Variants in ANAPC13 observed in about 807,000 individuals in gnomAD.
The protein encoded by ANAPC13 is anaphase promoting complex subunit 13, also known as anaphase-promoting complex subunit 13.
In ANAPC13, 9 loss-of-function variants were observed where a neutral mutation model predicts 9.6. The ratio of observed to expected loss-of-function variants is 0.94; its 90% CI spans 0.57 to 1.64. ANAPC13 has a LOEUF of 1.64. Ranked by LOEUF, ANAPC13 falls within the 40% of genes most tolerant of loss-of-function variation. The probability of loss-of-function intolerance (pLI) is 0.00; values close to 1 mark genes in which losing one functional copy is unlikely to be tolerated. For synonymous variants in ANAPC13, 30 were observed against 29.7 expected, an observed-to-expected ratio of 1.01 and a Z score of -0.03; for missense variants, 75 against 85.3, an observed-to-expected ratio of 0.88 and a Z score of 0.48.
At position 134,482,803 on chromosome 3, in the gene ANAPC13, T is replaced by C; in HGVS notation, c.99+3A>G. On this transcript the variant is annotated splice_donor_region_variant and intron_variant, in intron 2 of 2. Transcript: ENST00000354910. The stretch of plus-strand genomic sequence containing the variant: ...CCCATCCTCAGCTCAAATCATAACC[T>C]ACCAGTGGTATTGCGACATCCTCAT... The C allele has an allele frequency of 6.2e-7, 1 of 1,613,446 alleles. No homozygotes were observed. Among genetic ancestry groups the C allele is most frequent in the South Asian group, 1.1e-5 (1 of 91,062 alleles).
chr3:134,478,822 A>T (rs1240297324), intron 2 of ANAPC13, 107 bp from the exon 3 acceptor site: 2 of 1,250,296 alleles, frequency 1.6e-6, no homozygotes, highest in Non-Finnish European at 2.3e-6. Flanking sequence ...CAGGCAACAT[A>T]ATTGATATGT....
At chr3:134,484,438 G>A (rs1218994957) in intron 1 of ANAPC13, among the ~76,000 whole-genome samples, 1 of 152,052 alleles carries the variant, frequency 6.6e-6, no homozygotes, top group Non-Finnish European at 1.5e-5. Context: ...TCCCCCATAG[G>A]ATAACTGCAA....
At chr3:134,482,980 T>C (rs1934773191) in intron 1 of ANAPC13, 49 bp from the exon 2 acceptor site, 2 of 1,221,082 alleles carry the variant, frequency 1.6e-6, no homozygotes, top group African/African-American at 1.5e-5. Context: ...GAAGAGATGG[T>C]ATAATCCACT....
rs1281914126 is a variant in ANAPC13 at position 134,477,845 on chromosome 3, A to C, written c.*745T>G. Reference sequence around the variant, plus strand: ...TGTTTAACAGGCAAATAATTCCAGGAATAAATATACATGAATGTGTTTTTC... The same window carrying C: ...TGTTTAACAGGCAAATAATTCCAGGCATAAATATACATGAATGTGTTTTTC... On this transcript the variant is annotated 3_prime_UTR_variant, in exon 3 of 3. Transcript: ENST00000354910. 1 of 152,246 alleles carries C rather than the reference A, an allele frequency of 6.6e-6. No individual in the cohort carries two copies. The highest frequency in any genetic ancestry group is 1.5e-5 in the Non-Finnish European group (1 of 68,040). The allele number at this position is 152,246 out of a possible 1,614,324, so 9.4% of individuals were successfully genotyped here.
At chr3:134,482,396 T>C (rs554546355) in intron 2 of ANAPC13, among the ~76,000 whole-genome samples, 1 of 152,338 alleles carries the variant, frequency 6.6e-6, no homozygotes, top group South Asian at 2.1e-4. Flanking sequence ...GATAGGTGTA[T>C]GCTCCAAGAA....
At chr3:134,486,015 C>T (rs1021600839), upstream of ANAPC13, 2 of 978,538 alleles carry the variant, frequency 2.0e-6, no homozygotes, top group Non-Finnish European at 2.4e-6. Context: ...CCCCGCATCA[C>T]GTGTCTGCAC....
intron 1 of ANAPC13, among the ~76,000 whole-genome samples, chr3:134,483,673 T>A (rs1401879479): frequency 6.6e-6 from 1 of 152,200 alleles, no homozygotes; most frequent in Non-Finnish European, 1.5e-5. Flanking sequence ...GTAGGATACT[T>A]CTGGATTTCC....
intron 2 of ANAPC13, among the ~76,000 whole-genome samples, chr3:134,481,931 T>C (rs1179632457): frequency 6.6e-6 from 1 of 152,270 alleles, no homozygotes; most frequent in East Asian, 1.9e-4. Flanking sequence ...ATGACATCTA[T>C]AATTCTTATT....
chr3:134,478,573 A>G lies in ANAPC13; in HGVS notation c.*17T>C. On this transcript the variant is annotated 3_prime_UTR_variant, in exon 3 of 3. Coordinates refer to ENST00000354910, the MANE Select transcript of ANAPC13 (RefSeq NM_015391.4). ...GTGTACTTTGAGAAAATCCATCCAC[A>G]AGAAAGGAGCCAAGCGTCAGTTTCC... 2 of 1,609,572 alleles carry G rather than the reference A, an allele frequency of 1.2e-6. No homozygotes were observed. The highest frequency in any genetic ancestry group is 1.7e-6 in the Non-Finnish European group (2 of 1,178,580).
Position 134,482,805 on chromosome 3 carries a change from C to G in ANAPC13, c.99+1G>C. On this transcript the variant is annotated splice_donor_variant, in intron 2 of 2. Coordinates refer to ENST00000354910, the MANE Select transcript of ANAPC13 (RefSeq NM_015391.4). LOFTEE classifies it high-confidence loss of function. ...CATCCTCAGCTCAAATCATAACCTA[C>G]CAGTGGTATTGCGACATCCTCATAA... The G allele has an allele frequency of 6.2e-7, 1 of 1,613,520 alleles. No homozygotes were observed. Among genetic ancestry groups the G allele is most frequent in the East Asian group, 2.2e-5 (1 of 44,886 alleles).
At chr3:134,483,459 CCTCATACTG>C (rs1263590251) in intron 1 of ANAPC13, among the ~76,000 whole-genome samples, 1 of 152,166 alleles carries the variant, frequency 6.6e-6, no homozygotes, top group African/African-American at 2.4e-5. Flanking sequence ...AGTGGTAGAA[CCTCATACTG>C]CTAAAGTTTC....
At position 134,484,408 on chromosome 3, in the gene ANAPC13, A is replaced by C. The variant is rs1055921718; in HGVS notation, c.-27-1477T>G. Among the ~76,000 whole-genome samples the C allele has an allele frequency of 1.8e-4, 27 of 152,012 alleles. 1 individual carries two copies. The South Asian group carries it at 1.9e-3, about 11-fold the overall frequency. On this transcript the variant is annotated intron_variant, in intron 1 of 2. Coordinates refer to ENST00000354910, the MANE Select transcript of ANAPC13 (RefSeq NM_015391.4). The stretch of plus-strand genomic sequence containing the variant: ...TCTCGGAAAAAAAAAAACAAAAAAA[A>C]CCAAAAAGGCTCACAGCTGTCCCCC...
In ANAPC13 at chr3:134,478,414, C is replaced by T; in HGVS notation, c.*176G>A. The T allele has an allele frequency of 2.5e-6, 2 of 795,714 alleles. No individual in the cohort carries two copies. Among genetic ancestry groups the T allele is most frequent in the East Asian group, 2.6e-5 (1 of 38,532 alleles). The allele number at this position is 795,714 out of a possible 1,614,324, so 49.3% of individuals were successfully genotyped here. On this transcript the variant is annotated 3_prime_UTR_variant, in exon 3 of 3. Transcript: ENST00000354910. ...TTAAAGAGCGAAATATTCACCATTA[C>T]TGAGAAATCTCAGTTTCTCATTCAA... is the stretch of plus-strand genomic sequence containing the variant.
In ANAPC13 at chr3:134,478,415, T is replaced by C; in HGVS notation, c.*175A>G. On this transcript the variant is annotated 3_prime_UTR_variant, in exon 3 of 3. Transcript: ENST00000354910. ...TAAAGAGCGAAATATTCACCATTAC[T>C]GAGAAATCTCAGTTTCTCATTCAAT... is the stretch of plus-strand genomic sequence containing the variant. 1 of 809,726 alleles carries C rather than the reference T, an allele frequency of 1.2e-6. No individual in the cohort carries two copies. Among genetic ancestry groups the C allele is most frequent in the Non-Finnish European group, 1.9e-6 (1 of 514,840 alleles). 50.2% of individuals were successfully genotyped at this position (809,726 alleles called of 1,614,324 possible).
At chr3:134,482,054 T>A (rs1237962967) in intron 2 of ANAPC13, among the ~76,000 whole-genome samples, 1 of 152,234 alleles carries the variant, frequency 6.6e-6, no homozygotes, top group African/African-American at 2.4e-5. Context: ...AAAATACAGA[T>A]GAACTATTTT....
In ANAPC13 at chr3:134,485,955, C is replaced by G; in HGVS notation, c.-31G>C. 1 of 982,122 alleles carries G rather than the reference C, an allele frequency of 1.0e-6. No individual in the cohort carries two copies. The highest frequency in any genetic ancestry group is 1.2e-6 in the Non-Finnish European group (1 of 828,394). The allele number at this position is 982,122 out of a possible 1,614,324, so 60.8% of individuals were successfully genotyped here. A position where few individuals can be genotyped will look rare whatever the true frequency, so the allele number is the denominator to read the frequency against. On this transcript the variant is annotated 5_prime_UTR_variant, in exon 1 of 3. Transcript: ENST00000354910. ...CGGGGGCGCTGGAAACCCTTACCGG[C>G]ACCCGGCCACCGCGGCAGACGCTTG... is the stretch of plus-strand genomic sequence containing the variant.
At position 134,477,960 on chromosome 3, in the gene ANAPC13, A is replaced by T. The variant is rs967484207; in HGVS notation, c.*630T>A. On this transcript the variant is annotated 3_prime_UTR_variant, in exon 3 of 3. Coordinates refer to ENST00000354910, the MANE Select transcript of ANAPC13 (RefSeq NM_015391.4). Reference sequence around the variant, plus strand: ...GAAAGGGCTTTGAGAAAAGGCTTTGAATAAAACTAGTCATCCACCTAGCCA... The same window carrying T: ...GAAAGGGCTTTGAGAAAAGGCTTTGTATAAAACTAGTCATCCACCTAGCCA... The T allele has an allele frequency of 9.8e-5, 15 of 152,402 alleles. No homozygotes were observed. The highest frequency in any genetic ancestry group is 3.1e-4 in the African/African-American group (13 of 41,590). 9.4% of individuals were successfully genotyped at this position (152,402 alleles called of 1,614,324 possible).
At chr3:134,485,991 G>GCCCCCCCCCCCCCCCCCCCCCC (rs5852785), upstream of ANAPC13, 1 of 846,592 alleles carries the variant, frequency 1.2e-6, no homozygotes, top group African/African-American at 1.9e-5. Context: ...CTCCTGCCAC[G>GCCCCCCCCCCCCCCCCCCCCCC]CCCCCCCCCC....
chr3:134,479,609 A>G (rs1382293566), intron 2 of ANAPC13, among the ~76,000 whole-genome samples: 1 of 152,140 alleles, frequency 6.6e-6, no homozygotes, highest in Non-Finnish European at 1.5e-5. Context: ...TCAGCCTCCC[A>G]AAGTGCTGGG....
Sources: gnomAD v4.1 joint callset for allele counts (sites outside exome capture counted in the v4.1 genomes callset) on GRCh38, gnomAD v4.1.1 for gene constraint, MANE v1.5 for transcripts, NCBI Gene and HGNC (gene_info 2026-07-23, HGNC 2026-07-21) for gene names.